PRSS36: variants seen among roughly 807,000 people sequenced by gnomAD.
PRSS36 encodes serine protease 36, also known as polyserase-2.
PRSS36 carries 90 observed loss-of-function variants against 94.3 expected under a neutral mutation model. The ratio of observed to expected loss-of-function variants is 0.95; its 90% CI spans 0.80 to 1.14. PRSS36 has a LOEUF of 1.14. PRSS36 is among the 50% of genes most tolerant of loss of function. PRSS36 has a pLI of 0.00. For missense variants in PRSS36, 1,158 were observed against 1,135.0 expected (o/e 1.02, Z -0.29); for synonymous variants, 500 against 489.6 (o/e 1.02, Z -0.28).
At chr16:31,146,309 G>A (rs1337075142) in intron 5 of PRSS36, among the ~76,000 whole-genome samples, 1 of 152,138 alleles carries the variant, frequency 6.6e-6, no homozygotes, top group Non-Finnish European at 1.5e-5. Context: ...GACTTGACAT[G>A]GTCCTGTCCT....
At chr16:31,148,337 C>T in intron 5 of PRSS36, 58 bp downstream of exon 5, 1 of 1,465,594 alleles carries the variant, frequency 6.8e-7, no homozygotes, top group Admixed American at 2.5e-5. Context: ...CCCTAGGAAC[C>T]TCACCTCTCG....
Position 31,139,413 on chromosome 16 carries a change from T to G in PRSS36, c.2293A>C (p.Thr765Pro). 6.2e-7 allele frequency: 1 copy of G among 1,612,636 alleles called. No homozygotes were observed. The change falls in exon 15 of 15, where the codon ACC becomes CCC. Residue 765 changes from threonine (T) to proline (P), a missense_variant. Physicochemically the swap from Thr to Pro is conservative, Grantham distance 38. Transcript: ENST00000268281. ...TGGCACAGGAGGGGCGGTGCTGAGG[T>G]CATCTGCAGAGTTGGAGCGAGGCCA... Reference protein sequence around the residue: ...AEGQENRCEMTSAPPLLCQMT... With the variant: ...AEGQENRCEMPSAPPLLCQMT...
At chr16:31,142,082 C>A in intron 10 of PRSS36, 122 bp from the exon 11 acceptor site, 1 of 794,002 alleles carries the variant, frequency 1.3e-6, no homozygotes, top group Non-Finnish European at 2.1e-6. Context: ...CCACCTTCTC[C>A]AAATCAGACT....
In PRSS36 at chr16:31,143,476, G is replaced by GGGGT. The variant is rs1344540430; in HGVS notation, c.971-9_971-6dup. ...GCCGCGGGGCCTTCCCGCACTCTGA[G>GGGGT]GGGTGAGAGGCCTGGGTCAGTGGGC... On this transcript the variant is annotated splice_region_variant and splice_polypyrimidine_tract_variant and intron_variant, in intron 7 of 14. Transcript: ENST00000268281. 2 of 1,606,174 alleles carry GGGGT rather than the reference G, an allele frequency of 1.2e-6. No homozygotes were observed. The highest frequency in any genetic ancestry group is 1.7e-6 in the Non-Finnish European group (2 of 1,176,094).
intron 5 of PRSS36, among the ~76,000 whole-genome samples, chr16:31,148,188 C>A (rs892138901): frequency 5.9e-5 from 9 of 152,072 alleles, no homozygotes; most frequent in African/African-American, 1.9e-4. Flanking sequence ...GTGGGTGATT[C>A]CGTGGTCTTA....
At position 31,149,201 on chromosome 16, in the gene PRSS36, C is replaced by G; in HGVS notation, c.144G>C (p.Val48=). The stretch of plus-strand genomic sequence containing the variant: ...TGCCCGGCTGCGCGTTTGAGCCCCC[C>G]ACGATGCGGGCCGAGGGCTCAGGGC... ...CGRPEPSARI[V]GGSNAQPGTW... The change falls in exon 4 of 15, where the codon GTG becomes GTC. Residue 48 remains valine (V), a synonymous_variant. Coordinates refer to ENST00000268281, the MANE Select transcript of PRSS36 (RefSeq NM_173502.5). The G allele has an allele frequency of 1.9e-6, 3 of 1,567,184 alleles. No homozygotes were observed. The highest frequency in any genetic ancestry group is 2.6e-6 in the Non-Finnish European group (3 of 1,156,856).
chr16:31,143,411 C>G lies in PRSS36; in HGVS notation c.1031G>C (p.Gly344Ala), dbSNP rs775925826. ...CAGCGCCCCATGGCAGGGTCTGGAT[C>G]CTGGCACCATCACCTGGGCCTCCCA... is the stretch of plus-strand genomic sequence containing the variant. ...WPWEAQVMVP[G>A]SRPCHGALVS... Residue 344 changes from glycine (G) to alanine (A), a missense_variant, in exon 8 of 15, where the codon GGA becomes GCA. By Grantham distance (60) the Gly-to-Ala change is moderately conservative. Transcript: ENST00000268281. 1 of 1,612,936 alleles carries G rather than the reference C, an allele frequency of 6.2e-7. No individual in the cohort carries two copies. The highest frequency in any genetic ancestry group is 8.5e-7 in the Non-Finnish European group (1 of 1,179,636).
rs1466773671 is a variant in PRSS36 at position 31,141,969 on chromosome 16, A to AC, written c.1522-10dup. On this transcript the variant is annotated splice_polypyrimidine_tract_variant and intron_variant, in intron 10 of 14. Coordinates refer to ENST00000268281, the MANE Select transcript of PRSS36 (RefSeq NM_173502.5). ...CTCCAACGCGAGTCATTCTGCAGCAACAAAGTGTGTGTGTTACTTGCCTCT... is the reference window on the plus strand; with the variant it reads ...CTCCAACGCGAGTCATTCTGCAGCAACCAAAGTGTGTGTGTTACTTGCCTCT... 36 of 1,612,852 alleles carry AC rather than the reference A, an allele frequency of 2.2e-5. No homozygotes were observed. Among genetic ancestry groups the AC allele is most frequent in the Non-Finnish European group, 3.0e-5 (35 of 1,178,992 alleles).
chr16:31,141,547 T>G lies in PRSS36; in HGVS notation c.1823A>C (p.His608Pro), dbSNP rs752568776. 4.3e-6 allele frequency: 7 copies of G among 1,613,450 alleles called. No individual in the cohort carries two copies. The highest frequency in any genetic ancestry group is 5.1e-6 in the Non-Finnish European group (6 of 1,179,996). ...AGTGCAGACTCGATCACCAGCCACA[T>G]GCACCTCTGCCAGCCAGGGCCACAG... ...GVLWPWLAEV[H>P]VAGDRVCTGI... The change falls in exon 12 of 15, where the codon CAT (histidine) becomes CCT (proline). Residue 608 changes from histidine (H) to proline (P), a missense_variant. By Grantham distance (77) the His-to-Pro change is moderately conservative. Transcript: ENST00000268281.
At chr16:31,148,698 G>T (rs1197791406) in intron 4 of PRSS36, 23 bp from the exon 5 acceptor site, 8 of 1,611,006 alleles carry the variant, frequency 5.0e-6, no homozygotes, top group Non-Finnish European at 6.8e-6. Context: ...GGGGCAGTAG[G>T]AGGTTAGGTT....
chr16:31,145,799 TC>T lies in PRSS36; in HGVS notation c.709del (p.Asp237ThrfsTer54), dbSNP rs760031875. On this transcript the variant is annotated frameshift_variant, in exon 6 of 15. Transcript: ENST00000268281. LOFTEE classifies it high-confidence loss of function. ...GGGGCCTTCCCTCACCTGGCAGGTGTCCCTGCGGCCCTCTGGGTAGCCAGCA... is the reference window on the plus strand; with the variant it reads ...GGGGCCTTCCCTCACCTGGCAGGTGTCCTGCGGCCCTCTGGGTAGCCAGCA... ...LCAGYPEGRR[D>X]TCQGDSGGPL... 1.2e-6 allele frequency: 2 copies of T among 1,613,100 alleles called. No homozygotes were observed. Among genetic ancestry groups the T allele is most frequent in the Non-Finnish European group, 1.7e-6 (2 of 1,179,652 alleles).
intron 8 of PRSS36, 74 bp downstream of exon 8, chr16:31,143,268 C>T: frequency 3.3e-6 from 5 of 1,521,774 alleles, no homozygotes; most frequent in Non-Finnish European, 4.4e-6. Flanking sequence ...TGGGGAGGGG[C>T]TGGGGCCGAA....
At chr16:31,149,849 TC>T in intron 1 of PRSS36, 118 bp from the exon 2 acceptor site, 1 of 1,539,962 alleles carries the variant, frequency 6.5e-7, no homozygotes, top group East Asian at 2.2e-5. Flanking sequence ...GGCCTCCCTC[TC>T]CCTCCTCTGA....
Position 31,147,970 on chromosome 16 carries a change from A to G in PRSS36, c.553+425T>C, listed in dbSNP as rs919273644. 2.6e-5 allele frequency among the ~76,000 whole-genome samples: 4 copies of G among 152,214 alleles called. No homozygotes were observed. In the East Asian group the frequency reaches 5.8e-4, roughly 22 times the overall value. ...TGGTTATTGCTATGCCAGGCACTGT[A>G]CTATGAACTTTACATGGATTTTCTC... On this transcript the variant is annotated intron_variant, in intron 5 of 14. Coordinates refer to ENST00000268281, the MANE Select transcript of PRSS36 (RefSeq NM_173502.5).
intron 6 of PRSS36, among the ~76,000 whole-genome samples, 172 bp downstream of exon 6, chr16:31,145,617 C>T (rs936661416): frequency 3.9e-5 from 6 of 152,074 alleles, no homozygotes; most frequent in East Asian, 1.9e-4. Context: ...CCAGCCTGGA[C>T]GACAAAGTGA....
intron 7 of PRSS36, 52 bp downstream of exon 7, chr16:31,143,536 C>T (rs2057749944): frequency 6.2e-7 from 1 of 1,609,002 alleles, no homozygotes; most frequent in Non-Finnish European, 8.5e-7. Flanking sequence ...CAGTCTCCAT[C>T]CCAACTCACT....
At chr16:31,140,113 C>T (rs1386211921) in intron 14 of PRSS36, among the ~76,000 whole-genome samples, 181 bp downstream of exon 14, 1 of 151,642 alleles carries the variant, frequency 6.6e-6, no homozygotes, top group Non-Finnish European at 1.5e-5. Flanking sequence ...ATGGCATGAA[C>T]CAGGGAGGTG....
rs1417554675 is a variant in PRSS36, at chr16:31,141,952, C to G, written c.1530G>C (p.Ser510=). 2.5e-5 allele frequency: 41 copies of G among 1,613,924 alleles called. No homozygotes were observed. The highest frequency in any genetic ancestry group is 3.4e-5 in the Non-Finnish European group (40 of 1,179,970). ...CCTCCTGGCACAAAAGGCTCCAACGCGAGTCATTCTGCAGCAACAAAGTGT... is the reference window on the plus strand; with the variant it reads ...CCTCCTGGCACAAAAGGCTCCAACGGGAGTCATTCTGCAGCAACAAAGTGT... ...KEEVGSCWND[S]RWSLLCQEEG... Residue 510 remains serine, a synonymous_variant, in exon 11 of 15, where the codon TCG becomes TCC. Transcript: ENST00000268281.
chr16:31,149,962 C>G (rs1479500520), intron 1 of PRSS36, 37 bp downstream of exon 1: 1 of 1,610,884 alleles, frequency 6.2e-7, no homozygotes, highest in Non-Finnish European at 8.5e-7. Context: ...TGCCAGGACC[C>G]AGGCCCTTTG....
Sources: allele counts gnomAD v4.1 joint callset (sites outside exome capture counted in the v4.1 genomes callset), GRCh38; gene constraint gnomAD v4.1.1; transcripts MANE v1.5; gene names NCBI Gene and HGNC (gene_info 2026-07-23, HGNC 2026-07-21).